The following CYP4Z1 variants were observed in gnomAD, a reference collection of about 807,000 sequenced individuals.
CYP4Z1 encodes the protein cytochrome P450 family 4 subfamily Z member 1.
In CYP4Z1, 41 loss-of-function variants were observed where a neutral mutation model predicts 54.2. That is an observed-to-expected ratio of 0.76 (90% CI 0.59 to 0.98). CYP4Z1 has a LOEUF of 0.98. CYP4Z1 is among the 50% of genes least tolerant of loss of function. CYP4Z1 has a pLI of 0.00. For synonymous variants in CYP4Z1, 163 were observed against 206.2 expected, an observed-to-expected ratio of 0.79 and a Z score of 1.79; for missense variants, 513 against 599.0, an observed-to-expected ratio of 0.86 and a Z score of 1.50.
chr1:47,090,907 CCT>C (rs1365938991), intron 6 of CYP4Z1, among the ~76,000 whole-genome samples: 1 of 136,396 alleles, frequency 7.3e-6, no homozygotes, highest in African/African-American at 2.9e-5. Flanking sequence ...TACCAAATTT[CCT>C]GGGTTAAATA....
chr1:47,068,419 T>A (rs1204504846), intron 1 of CYP4Z1, among the ~76,000 whole-genome samples: 2 of 152,128 alleles, frequency 1.3e-5, no homozygotes, highest in African/African-American at 4.8e-5. Flanking sequence ...CAGCAACAGG[T>A]CCTGAGCACT....
the CYP4Z1 span, among the ~76,000 whole-genome samples, chr1:47,058,047 T>C: frequency 6.6e-6 from 1 of 151,958 alleles, no homozygotes; most frequent in South Asian, 2.1e-4. Flanking sequence ...AAAAAACTAT[T>C]TATCAAAAAA....
upstream of CYP4Z1, among the ~76,000 whole-genome samples, chr1:47,066,907 A>G (rs1435842992): frequency 6.6e-6 from 1 of 152,056 alleles, no homozygotes; most frequent in Non-Finnish European, 1.5e-5. Context: ...AAACTTAGGT[A>G]TATACCTAAG....
intron 4 of CYP4Z1, among the ~76,000 whole-genome samples, chr1:47,083,860 T>C (rs1644573079): frequency 6.6e-6 from 1 of 152,168 alleles, no homozygotes; most frequent in Non-Finnish European, 1.5e-5. Flanking sequence ...GCTCTTTCTC[T>C]ACTCTTCTTG....
At chr1:47,113,726 T>C (rs1045041223) in intron 9 of CYP4Z1, among the ~76,000 whole-genome samples, 2 of 152,114 alleles carry the variant, frequency 1.3e-5, no homozygotes, top group Non-Finnish European at 2.9e-5. Flanking sequence ...TATCTAGGAA[T>C]CCAACTTACA....
the CYP4Z1 span, among the ~76,000 whole-genome samples, chr1:47,057,993 C>T: frequency 2.6e-5 from 4 of 151,968 alleles, no homozygotes; most frequent in African/African-American, 7.2e-5. Flanking sequence ...CCATGAACTT[C>T]TGCAACTTTG....
At chr1:47,111,306 C>A (rs1644790640) in intron 9 of CYP4Z1, among the ~76,000 whole-genome samples, 1 of 152,110 alleles carries the variant, frequency 6.6e-6, no homozygotes, top group Non-Finnish European at 1.5e-5. Flanking sequence ...GCCTCCACCT[C>A]CCAAGTAGCT....
At chr1:47,094,452 G>C in intron 6 of CYP4Z1, 114 bp from the exon 7 acceptor site, 1 of 677,900 alleles carries the variant, frequency 1.5e-6, no homozygotes. Flanking sequence ...GGAACATTGG[G>C]TGGGGGGCAG....
At chr1:47,058,852 A>G in the CYP4Z1 span, among the ~76,000 whole-genome samples, 1 of 152,138 alleles carries the variant, frequency 6.6e-6, no homozygotes, top group East Asian at 1.9e-4. Flanking sequence ...ACAGGCAGAG[A>G]CAGGGGCCTA....
intron 7 of CYP4Z1, among the ~76,000 whole-genome samples, chr1:47,095,732 A>G (rs1176989840): frequency 2.0e-5 from 3 of 152,164 alleles, no homozygotes; most frequent in Admixed American, 1.3e-4. Flanking sequence ...TCAAGATGAC[A>G]TACCTAAAAC....
At chr1:47,116,067 G>GCCC (rs1277732487) in intron 10 of CYP4Z1, among the ~76,000 whole-genome samples, 1 of 152,130 alleles carries the variant, frequency 6.6e-6, no homozygotes, top group Non-Finnish European at 1.5e-5. Flanking sequence ...GTGAAAGGGA[G>GCCC]AGGGGGCCTG....
chr1:47,056,763 C>T, the CYP4Z1 span, among the ~76,000 whole-genome samples: 62 of 150,992 alleles, frequency 4.1e-4, no homozygotes, highest in Non-Finnish European at 1.3e-4. Flanking sequence ...TTTTTGTTTT[C>T]CATTTGCTTG....
intron 9 of CYP4Z1, among the ~76,000 whole-genome samples, chr1:47,114,140 C>T (rs557491871): frequency 1.2e-4 from 18 of 152,180 alleles, no homozygotes; most frequent in Middle Eastern, 3.4e-3. Flanking sequence ...GAAATAATGC[C>T]GCATATCTAC....
upstream of CYP4Z1, among the ~76,000 whole-genome samples, chr1:47,065,792 G>A (rs1282338405): frequency 6.6e-6 from 1 of 151,982 alleles, no homozygotes; most frequent in Non-Finnish European, 1.5e-5. Flanking sequence ...TGAGATTAAC[G>A]AAGTAAACAA....
intron 6 of CYP4Z1, among the ~76,000 whole-genome samples, chr1:47,093,398 C>G (rs1644653668): frequency 6.6e-6 from 1 of 152,202 alleles, no homozygotes; most frequent in African/African-American, 2.4e-5. Context: ...ACCCACACAA[C>G]CTTAGCTTAT....
In CYP4Z1 at chr1:47,115,528, G is replaced by A. The variant is rs778602389; in HGVS notation, c.1202-1G>A. 5 of 1,612,608 alleles carry A rather than the reference G, an allele frequency of 3.1e-6. No individual in the cohort carries two copies. Among genetic ancestry groups the A allele is most frequent in the East Asian group, 2.2e-5 (1 of 44,808 alleles). ...ACCTGCTTTTTCTTCTGTTTACTCA[G>A]GAATAACTGTGTTTATCAATATTTG... On this transcript the variant is annotated splice_acceptor_variant, in intron 9 of 11. Coordinates refer to ENST00000334194, the MANE Select transcript of CYP4Z1 (RefSeq NM_178134.3). LOFTEE classifies it high-confidence loss of function.
chr1:47,059,580 A>C, the CYP4Z1 span, among the ~76,000 whole-genome samples: 1 of 152,132 alleles, frequency 6.6e-6, no homozygotes, highest in Non-Finnish European at 1.5e-5. Context: ...ATCTCCTGGA[A>C]TTTGGCTACG....
At chr1:47,056,223 AGTG>A in the CYP4Z1 span, among the ~76,000 whole-genome samples, 1 of 151,824 alleles carries the variant, frequency 6.6e-6, no homozygotes, top group African/African-American at 2.4e-5. Context: ...CATGTAGTTG[AGTG>A]GTTTTGAGTG....
chr1:47,117,856 A>G lies in CYP4Z1; in HGVS notation c.1440A>G (p.Ser480=). ...LLRFKLAPDH[S]RPPQPVRQVV... ...GCTTCAAGCTGGCTCCAGACCACTC[A>G]AGGCCTCCCCAGCCTGTTCGTCAAG... is the stretch of plus-strand genomic sequence containing the variant. Residue 480 remains serine (S), a synonymous_variant, in exon 12 of 12, where the codon TCA becomes TCG. Coordinates refer to ENST00000334194, the MANE Select transcript of CYP4Z1 (RefSeq NM_178134.3). 6.2e-7 allele frequency: 1 copy of G among 1,613,722 alleles called. No homozygotes were observed. Among genetic ancestry groups the G allele is most frequent in the Non-Finnish European group, 8.5e-7 (1 of 1,179,820 alleles).
Sources: gnomAD v4.1 joint callset for allele counts (sites outside exome capture counted in the v4.1 genomes callset) on GRCh38, gnomAD v4.1.1 for gene constraint, MANE v1.5 for transcripts, NCBI Gene and HGNC (gene_info 2026-07-23, HGNC 2026-07-21) for gene names.